Variants in ANO10 observed in about 807,000 individuals in gnomAD.
ANO10 encodes the protein anoctamin-10.
ANO10 carries 77 observed loss-of-function variants against 74.7 expected under a neutral mutation model. That is an observed-to-expected ratio of 1.03 (90% CI 0.86 to 1.25). ANO10 has a LOEUF of 1.25. ANO10 is among the 50% of genes most tolerant of loss of function. The pLI is 0.00. For missense variants in ANO10, 721 were observed against 778.1 expected (o/e 0.93, Z 0.87); for synonymous variants, 279 against 284.9 (o/e 0.98, Z 0.21).
At chr3:43,492,086 CAAAAACCAGAACACCTCAGA>C (rs1016394815) in intron 11 of ANO10, among the ~76,000 whole-genome samples, 29 of 152,142 alleles carry the variant, frequency 1.9e-4, no homozygotes, top group African/African-American at 6.0e-4. Context: ...CTGAAAATTC[CAAAAACCAGAACACCTCAGA>C]AAAAACCAGA....
intron 8 of ANO10, among the ~76,000 whole-genome samples, chr3:43,562,369 G>A (rs1226265320): frequency 1.3e-5 from 2 of 150,764 alleles, no homozygotes; most frequent in African/African-American, 4.9e-5. Flanking sequence ...GGAGAATGGC[G>A]TGAACCCAGG....
At position 43,555,271 on chromosome 3, in the gene ANO10, C is replaced by T; in HGVS notation, c.1668+7G>A. ...TTAAAGGAATAATTTTTTTCTCAAA[C>T]AATTACCTGCCACACACCAATATTG... On this transcript the variant is annotated splice_region_variant and intron_variant, in intron 10 of 12. Coordinates refer to ENST00000292246, the MANE Select transcript of ANO10 (RefSeq NM_018075.5). 3.1e-6 allele frequency: 5 copies of T among 1,613,402 alleles called. No homozygotes were observed. The highest frequency in any genetic ancestry group is 4.2e-6 in the Non-Finnish European group (5 of 1,179,492).
intron 12 of ANO10, among the ~76,000 whole-genome samples, chr3:43,421,260 C>G (rs1345109585): frequency 6.6e-6 from 1 of 152,156 alleles, no homozygotes; most frequent in Non-Finnish European, 1.5e-5. Context: ...GTGGCTCACA[C>G]TTGTAATCCC....
intron 11 of ANO10, among the ~76,000 whole-genome samples, chr3:43,459,233 CTCT>C (rs1313114335): frequency 1.3e-5 from 2 of 150,988 alleles, no homozygotes; most frequent in East Asian, 3.9e-4. Context: ...ATCTTTTGTT[CTCT>C]TCTTTCGGTA....
chr3:43,541,685 G>A (rs945293089), intron 11 of ANO10, among the ~76,000 whole-genome samples: 1 of 152,076 alleles, frequency 6.6e-6, no homozygotes, highest in Non-Finnish European at 1.5e-5. Context: ...TTAATCACTT[G>A]AAAACAAAGA....
intron 11 of ANO10, among the ~76,000 whole-genome samples, chr3:43,512,439 CTAT>C (rs1277507796): frequency 1.3e-5 from 2 of 152,112 alleles, no homozygotes; most frequent in Admixed American, 6.5e-5. Context: ...TGACGTGGTA[CTAT>C]TATTAGGCAT....
intron 11 of ANO10, among the ~76,000 whole-genome samples, chr3:43,435,762 G>T (rs1346045866): frequency 5.9e-5 from 9 of 152,150 alleles, no homozygotes; most frequent in Non-Finnish European, 1.5e-5. Flanking sequence ...GAAGGTTAAG[G>T]AGCATCAACC....
intron 12 of ANO10, among the ~76,000 whole-genome samples, chr3:43,417,187 C>A (rs912996268): frequency 1.3e-5 from 2 of 152,176 alleles, no homozygotes; most frequent in African/African-American, 2.4e-5. Flanking sequence ...CACAGACAGG[C>A]AAGCTGGGAA....
At chr3:43,509,930 GA>G (rs2077447439) in intron 11 of ANO10, among the ~76,000 whole-genome samples, 1 of 152,136 alleles carries the variant, frequency 6.6e-6, no homozygotes, top group Non-Finnish European at 1.5e-5. Flanking sequence ...TGTGCTGAAG[GA>G]AAAAGTCAAC....
intron 12 of ANO10, among the ~76,000 whole-genome samples, chr3:43,404,304 C>G (rs1392955162): frequency 6.6e-6 from 1 of 152,112 alleles, no homozygotes; most frequent in Non-Finnish European, 1.5e-5. Context: ...CTAAGGGAAG[C>G]CTCTGGATAA....
chr3:43,683,110 G>C, intron 1 of ANO10, among the ~76,000 whole-genome samples: 1 of 152,130 alleles, frequency 6.6e-6, no homozygotes, highest in Non-Finnish European at 1.5e-5. Context: ...GAAATAAAGG[G>C]TATTCAATTA....
At chr3:43,684,631 C>T (rs2084249970) in intron 1 of ANO10, among the ~76,000 whole-genome samples, 1 of 152,078 alleles carries the variant, frequency 6.6e-6, no homozygotes, top group Non-Finnish European at 1.5e-5. Flanking sequence ...CACATGCACA[C>T]GTATGTTTAT....
chr3:43,535,120 T>C (rs548663253), intron 11 of ANO10, among the ~76,000 whole-genome samples: 2 of 151,180 alleles, frequency 1.3e-5, no homozygotes, highest in South Asian at 4.2e-4. Flanking sequence ...ATTACAGGAG[T>C]GCACCACCAC....
intron 11 of ANO10, among the ~76,000 whole-genome samples, chr3:43,463,568 A>G (rs1173223515): frequency 6.6e-6 from 1 of 152,156 alleles, no homozygotes; most frequent in African/African-American, 2.4e-5. Context: ...TTGGACTTGC[A>G]TGGGGCCTGT....
intron 11 of ANO10, among the ~76,000 whole-genome samples, chr3:43,519,412 T>C (rs1027625310): frequency 1.3e-5 from 2 of 152,168 alleles, no homozygotes; most frequent in African/African-American, 2.4e-5. Flanking sequence ...ACAAAACAGA[T>C]GCCCTCAAGA....
At chr3:43,679,407 T>C (rs1411762432) in intron 1 of ANO10, among the ~76,000 whole-genome samples, 1 of 152,120 alleles carries the variant, frequency 6.6e-6, no homozygotes, top group Non-Finnish European at 1.5e-5. Flanking sequence ...GTGCCTGCCA[T>C]TGCCGAGGCT....
At chr3:43,482,164 G>A (rs1385848377) in intron 11 of ANO10, among the ~76,000 whole-genome samples, 2 of 151,834 alleles carry the variant, frequency 1.3e-5, no homozygotes, top group East Asian at 3.9e-4. Context: ...TCCTGACCTC[G>A]TGATCCGCCT....
At chr3:43,638,231 T>C (rs996390082) in intron 1 of ANO10, among the ~76,000 whole-genome samples, 5 of 152,242 alleles carry the variant, frequency 3.3e-5, no homozygotes, top group African/African-American at 9.6e-5. Context: ...ATTGAAGAGA[T>C]GAATAATTTT....
At chr3:43,414,472 AAG>A (rs1393516068) in intron 12 of ANO10, among the ~76,000 whole-genome samples, 1 of 152,334 alleles carries the variant, frequency 6.6e-6, no homozygotes, top group African/African-American at 2.4e-5. Context: ...TGAGTCCCAA[AAG>A]AGATATCCAA....
Sources: gnomAD v4.1 joint callset for allele counts (sites outside exome capture counted in the v4.1 genomes callset) on GRCh38, gnomAD v4.1.1 for gene constraint, MANE v1.5 for transcripts, NCBI Gene and HGNC (gene_info 2026-07-23, HGNC 2026-07-21) for gene names.